The following CYP4F22 variants were observed in gnomAD, a reference collection of about 807,000 sequenced individuals.
CYP4F22 encodes ultra-long-chain fatty acid omega-hydroxylase.
CYP4F22 carries 37 observed loss-of-function variants against 60.4 expected under a neutral mutation model. That is an observed-to-expected ratio of 0.61 (90% CI 0.47 to 0.81). The LOEUF is 0.81. Among genes scored for constraint, CYP4F22 ranks in the 30% least tolerant of loss-of-function variants. The pLI is 0.00. For synonymous variants in CYP4F22, 258 were observed against 280.5 expected (o/e 0.92, Z 0.80); for missense variants, 655 against 715.0 (o/e 0.92, Z 0.96).
chr19:15,520,765 T>C (rs1331436693), intron 1 of CYP4F22, among the ~76,000 whole-genome samples: 2 of 147,574 alleles, frequency 1.4e-5, no homozygotes, highest in Admixed American at 6.7e-5. Context: ...TATTTTGTTT[T>C]GTTTTTTTGT....
chr19:15,547,982 AGAGAGAGAGAGAGGGAGAGAGTGTGT>A, intron 10 of CYP4F22, 100 bp from the exon 11 acceptor site: 1 of 1,068,544 alleles, frequency 9.4e-7, no homozygotes, highest in Non-Finnish European at 1.3e-6. Flanking sequence ...AGAGAGAGAG[AGAGAGAGAGAGAGGGAGAGAGTGTGT>A]GTGTGTGTGT....
At chr19:15,518,211 C>T (rs1001795866) in intron 1 of CYP4F22, among the ~76,000 whole-genome samples, 2 of 151,908 alleles carry the variant, frequency 1.3e-5, no homozygotes, top group African/African-American at 4.8e-5. Flanking sequence ...GTGGTGCATG[C>T]CTGTAGTCCC....
In CYP4F22 at chr19:15,544,049, G is replaced by C; in HGVS notation, c.1006+12G>C. 6.2e-7 allele frequency: 1 copy of C among 1,614,102 alleles called. No individual in the cohort carries two copies. The highest frequency in any genetic ancestry group is 1.3e-5 in the African/African-American group (1 of 75,018). ...CTTCATGTTTGAGGGTGAGGATGTGGGGTGAGGCTGGAGGAGGGCAGGAAG... is the reference window on the plus strand; with the variant it reads ...CTTCATGTTTGAGGGTGAGGATGTGCGGTGAGGCTGGAGGAGGGCAGGAAG... On this transcript the variant is annotated intron_variant, in intron 9 of 13. Transcript: ENST00000269703.
intron 4 of CYP4F22, among the ~76,000 whole-genome samples, chr19:15,530,160 C>T (rs151056104): frequency 6.6e-5 from 10 of 152,264 alleles, no homozygotes; most frequent in Non-Finnish European, 1.3e-4. Context: ...AATCCCTGGC[C>T]GTGGCACGCC....
intron 1 of CYP4F22, among the ~76,000 whole-genome samples, chr19:15,518,818 G>A (rs969854616): frequency 6.6e-6 from 1 of 152,024 alleles, no homozygotes; most frequent in Non-Finnish European, 1.5e-5. Flanking sequence ...AGATCCCTCT[G>A]GCTGTGTGTG....
At chr19:15,521,694 A>G (rs1214078450) in intron 1 of CYP4F22, among the ~76,000 whole-genome samples, 4 of 151,238 alleles carry the variant, frequency 2.6e-5, no homozygotes, top group Non-Finnish European at 5.9e-5. Context: ...TTTAAGATAC[A>G]GGATCTCCCT....
intron 1 of CYP4F22, chr19:15,515,231 A>G (rs1195274176): frequency 2.1e-5 from 14 of 662,144 alleles, no homozygotes; most frequent in Non-Finnish European, 3.4e-5. Flanking sequence ...TCCTTTACCC[A>G]CCGTCTCTCG....
chr19:15,538,534 C>T (rs367763752), intron 7 of CYP4F22, among the ~76,000 whole-genome samples: 3 of 152,198 alleles, frequency 2.0e-5, no homozygotes, highest in Admixed American at 1.3e-4. Context: ...GCACCTACTA[C>T]GTGCCTGGCA....
intron 7 of CYP4F22, among the ~76,000 whole-genome samples, chr19:15,538,271 G>C (rs1376813320): frequency 2.0e-5 from 3 of 152,118 alleles, no homozygotes; most frequent in Non-Finnish European, 2.9e-5. Context: ...CTTAGTAAAT[G>C]TTAGTATTTT....
intron 1 of CYP4F22, among the ~76,000 whole-genome samples, chr19:15,516,436 G>C (rs1210907785): frequency 6.6e-6 from 1 of 152,172 alleles, no homozygotes; most frequent in Non-Finnish European, 1.5e-5. Context: ...TCAGCCAATG[G>C]AGACAGGACA....
chr19:15,548,053 TG>T, intron 10 of CYP4F22, 54 bp from the exon 11 acceptor site: 2 of 1,456,478 alleles, frequency 1.4e-6, no homozygotes, highest in Non-Finnish European at 1.9e-6. Context: ...GTGTGTGTTT[TG>T]GGGAGGTGGT....
At chr19:15,516,617 C>A (rs1247215014) in intron 1 of CYP4F22, 8 of 312,724 alleles carry the variant, frequency 2.6e-5, no homozygotes, top group Non-Finnish European at 3.1e-5. Flanking sequence ...TACCGAGGAA[C>A]AAGCATTCTA....
chr19:15,511,901 G>A (rs1285182658), intron 1 of CYP4F22, among the ~76,000 whole-genome samples: 2 of 152,226 alleles, frequency 1.3e-5, no homozygotes, highest in Non-Finnish European at 2.9e-5. Context: ...GGGACACGGA[G>A]CCAGTCGCTG....
intron 1 of CYP4F22, among the ~76,000 whole-genome samples, chr19:15,513,386 A>G (rs1377216284): frequency 1.6e-5 from 2 of 128,690 alleles, no homozygotes; most frequent in African/African-American, 6.0e-5. Flanking sequence ...TTTTTTTGAG[A>G]CAGAGTCTCA....
intron 6 of CYP4F22, 84 bp from the exon 7 acceptor site, chr19:15,537,788 G>A: frequency 6.2e-7 from 1 of 1,610,234 alleles, no homozygotes; most frequent in Non-Finnish European, 8.5e-7. Flanking sequence ...AAATGAGCTT[G>A]TAGTGAAAAC....
chr19:15,545,638 G>C (rs1458578987), intron 10 of CYP4F22, among the ~76,000 whole-genome samples: 2 of 85,258 alleles, frequency 2.3e-5, no homozygotes, highest in Non-Finnish European at 4.3e-5. Context: ...GACAGAGTGA[G>C]ACCCTGTCTC....
At chr19:15,515,756 C>T (rs1370217976) in intron 1 of CYP4F22, among the ~76,000 whole-genome samples, 2 of 151,764 alleles carry the variant, frequency 1.3e-5, no homozygotes, top group African/African-American at 4.8e-5. Flanking sequence ...TGGAGTCTCG[C>T]CCTGTCACCC....
intron 1 of CYP4F22, among the ~76,000 whole-genome samples, chr19:15,518,957 T>A (rs1188455214): frequency 6.6e-6 from 1 of 151,744 alleles, no homozygotes; most frequent in African/African-American, 2.4e-5. Context: ...CTGAAGATGT[T>A]TAGGATGGAC....
chr19:15,542,508 A>G (rs1414263491), intron 8 of CYP4F22, among the ~76,000 whole-genome samples: 5 of 152,190 alleles, frequency 3.3e-5, no homozygotes, highest in Admixed American at 3.3e-4. Flanking sequence ...CTGCACTCCA[A>G]TCTGGCAACA....
Sources: gnomAD v4.1 joint callset for allele counts (sites outside exome capture counted in the v4.1 genomes callset) on GRCh38, gnomAD v4.1.1 for gene constraint, MANE v1.5 for transcripts, NCBI Gene and HGNC (gene_info 2026-07-23, HGNC 2026-07-21) for gene names.